The following PDE4B variants were observed in gnomAD, a reference collection of about 807,000 sequenced individuals.
PDE4B encodes phosphodiesterase 4B.
PDE4B carries 20 observed loss-of-function variants against 82.2 expected under a neutral mutation model. That is an observed-to-expected ratio of 0.24 (90% confidence interval 0.17 to 0.35). The LOEUF (loss-of-function observed/expected upper bound fraction) is 0.35. Ranked by LOEUF, PDE4B falls within the 10% of genes least tolerant of loss-of-function variation. The probability of loss-of-function intolerance (pLI) is 1.00; values close to 1 mark genes in which losing one functional copy is unlikely to be tolerated. For missense variants in PDE4B, 655 were observed against 907.2 expected, an observed-to-expected ratio of 0.72 and a Z score of 3.57; for synonymous variants, 320 against 318.9, an observed-to-expected ratio of 1.00 and a Z score of -0.04.
intron 3 of PDE4B, among the ~76,000 whole-genome samples, chr1:65,922,225 C>T (rs78798289): frequency 9.9e-4 from 150 of 152,266 alleles, no homozygotes; most frequent in African/African-American, 3.5e-3. Flanking sequence ...ATGGAGATTA[C>T]AATACCTACA....
At chr1:66,268,358 G>A (rs999396554) in intron 7 of PDE4B, among the ~76,000 whole-genome samples, 2 of 152,042 alleles carry the variant, frequency 1.3e-5, no homozygotes, top group Non-Finnish European at 2.9e-5. Flanking sequence ...TACATCAAAG[G>A]AAAGCTCTCC....
chr1:66,014,087 A>T (rs375294420), intron 3 of PDE4B, among the ~76,000 whole-genome samples: 2 of 152,268 alleles, frequency 1.3e-5, no homozygotes, highest in East Asian at 1.9e-4. Context: ...TTGGCCATTT[A>T]GTATCTTCTC....
intron 7 of PDE4B, among the ~76,000 whole-genome samples, chr1:66,298,955 AATAGTTGT>A (rs958308980): frequency 5.3e-5 from 8 of 152,102 alleles, no homozygotes; most frequent in South Asian, 2.1e-4. Context: ...GTTGACACCA[AATAGTTGT>A]ATATATTTGT....
At chr1:66,238,086 G>A (rs747677042) in intron 3 of PDE4B, among the ~76,000 whole-genome samples, 2 of 152,190 alleles carry the variant, frequency 1.3e-5, no homozygotes, top group South Asian at 4.1e-4. Flanking sequence ...TAAAGAATGA[G>A]AAGAAGGCAG....
intron 1 of PDE4B, among the ~76,000 whole-genome samples, chr1:65,910,412 C>G (rs1216403407): frequency 6.6e-6 from 1 of 152,120 alleles, no homozygotes; most frequent in Non-Finnish European, 1.5e-5. Flanking sequence ...TTGAGACTTG[C>G]TTGTGTCAGT....
chr1:66,183,268 C>G (rs1416902409), intron 3 of PDE4B, among the ~76,000 whole-genome samples: 1 of 152,068 alleles, frequency 6.6e-6, no homozygotes, highest in Non-Finnish European at 1.5e-5. Context: ...GGGGATATGT[C>G]TTTTTTATCA....
intron 3 of PDE4B, among the ~76,000 whole-genome samples, chr1:65,921,398 C>G (rs1296689386): frequency 2.0e-5 from 3 of 152,062 alleles, no homozygotes; most frequent in African/African-American, 7.2e-5. Flanking sequence ...GAACTGGGTT[C>G]AAATTATCAT....
At chr1:66,050,413 C>T (rs1654956581) in intron 3 of PDE4B, 1 of 151,762 alleles carries the variant, frequency 6.6e-6, no homozygotes. Context: ...TTTGTGAGAA[C>T]CTAATAAATT....
At chr1:66,364,203 A>T (rs1663047671) in intron 12 of PDE4B, among the ~76,000 whole-genome samples, 1 of 152,198 alleles carries the variant, frequency 6.6e-6, no homozygotes. Context: ...AGAAATATAA[A>T]ATACTCTCTA....
intron 1 of PDE4B, among the ~76,000 whole-genome samples, chr1:65,897,521 T>C (rs1228018358): frequency 6.6e-6 from 1 of 152,024 alleles, no homozygotes; most frequent in African/African-American, 2.4e-5. Flanking sequence ...TTTCTCTCTC[T>C]AGTATTCCCC....
At chr1:65,989,816 T>C (rs1651148910) in intron 3 of PDE4B, among the ~76,000 whole-genome samples, 1 of 152,118 alleles carries the variant, frequency 6.6e-6, no homozygotes, top group Non-Finnish European at 1.5e-5. Context: ...TGCTTATGTT[T>C]ACTTTTTCTT....
chr1:66,029,133 G>A (rs972294178), intron 3 of PDE4B, among the ~76,000 whole-genome samples: 10 of 152,184 alleles, frequency 6.6e-5, no homozygotes, highest in African/African-American at 2.4e-4. Context: ...TGGCTGCAGA[G>A]GCCTCAGAAT....
At chr1:66,229,759 C>T (rs534502749) in intron 3 of PDE4B, among the ~76,000 whole-genome samples, 5 of 151,668 alleles carry the variant, frequency 3.3e-5, no homozygotes, top group African/African-American at 1.2e-4. Context: ...AAAAAAAAAA[C>T]CCTGCAGAGC....
Position 66,374,426 on chromosome 1 carries a change from T to C in PDE4B, c.*1748T>C, listed in dbSNP as rs2102088334. The C allele has an allele frequency of 6.5e-6, 1 of 152,810 alleles. No individual in the cohort carries two copies. Among genetic ancestry groups the C allele is most frequent in the African/African-American group, 2.4e-5 (1 of 41,592 alleles). The allele number at this position is 152,810 out of a possible 1,614,324, so 9.5% of individuals were successfully genotyped here. A position where few individuals can be genotyped will look rare whatever the true frequency, so the allele number is the denominator to read the frequency against. On this transcript the variant is annotated 3_prime_UTR_variant, in exon 17 of 17. Transcript: ENST00000341517. ...GGCACAAATGTGCATGACCAATGTATGTCTATGAACACTGCATTGTTTCAG... is the reference window on the plus strand; with the variant it reads ...GGCACAAATGTGCATGACCAATGTACGTCTATGAACACTGCATTGTTTCAG...
chr1:65,842,782 CGTGT>C (rs1476880163), intron 1 of PDE4B, among the ~76,000 whole-genome samples: 3 of 152,024 alleles, frequency 2.0e-5, no homozygotes, highest in Non-Finnish European at 4.4e-5. Context: ...CATATACATG[CGTGT>C]GTATTTATTT....
chr1:65,876,236 G>T (rs936063221), intron 1 of PDE4B, among the ~76,000 whole-genome samples: 1 of 152,088 alleles, frequency 6.6e-6, no homozygotes. Flanking sequence ...TTCACGGTAT[G>T]CTTTTTATTA....
chr1:65,991,200 C>T (rs1034227470), intron 3 of PDE4B, among the ~76,000 whole-genome samples: 1 of 151,940 alleles, frequency 6.6e-6, no homozygotes, highest in Non-Finnish European at 1.5e-5. Context: ...GCCTCATCCT[C>T]CTGAGTAGCT....
chr1:66,286,312 T>G (rs188176382), intron 7 of PDE4B, among the ~76,000 whole-genome samples: 59 of 152,228 alleles, frequency 3.9e-4, no homozygotes, highest in African/African-American at 1.4e-3. Context: ...TAATTATGAA[T>G]CACAGGTGAG....
At position 65,918,634 on chromosome 1, in the gene PDE4B, C is replaced by A. The variant is rs1647189177; in HGVS notation, c.80C>A (p.Ser27Tyr). 1.9e-6 allele frequency: 3 copies of A among 1,611,780 alleles called. No homozygotes were observed. Among genetic ancestry groups the A allele is most frequent in the Non-Finnish European group, 2.5e-6 (3 of 1,177,912 alleles). The change falls in exon 3 of 17, where the codon TCC becomes TAC. Residue 27 changes from serine to tyrosine, a missense_variant. Physicochemically the swap from Ser to Tyr is moderately radical, Grantham distance 144 (BLOSUM62 -2). Coordinates refer to ENST00000341517, the MANE Select transcript of PDE4B (RefSeq NM_002600.4). The part of the protein sequence containing the change: ...KDYFECSLSK[S>Y]YSSSSNTLGI... The stretch of plus-strand genomic sequence containing the variant: ...TATTTTGAATGTAGCTTGAGTAAAT[C>A]CTACAGTTCTTCCAGTAACACACTT...
Sources: gnomAD v4.1 joint callset for allele counts (sites outside exome capture counted in the v4.1 genomes callset) on GRCh38, gnomAD v4.1.1 for gene constraint, MANE v1.5 for transcripts, NCBI Gene and HGNC (gene_info 2026-07-23, HGNC 2026-07-21) for gene names.